The following ACSM2A variants were observed in gnomAD, a reference collection of about 807,000 sequenced individuals.
ACSM2A encodes acyl-coenzyme A synthetase ACSM2A, mitochondrial.
Under a neutral mutation model 76.6 loss-of-function variants are expected in ACSM2A, and 72 were observed. The ratio of observed to expected loss-of-function variants is 0.94; its 90% CI spans 0.78 to 1.14. The LOEUF (loss-of-function observed/expected upper bound fraction) is 1.14, where lower values mean the gene tolerates loss of function less well. Ranked by LOEUF, ACSM2A falls within the 50% of genes most tolerant of loss-of-function variation. ACSM2A has a pLI of 0.00. For missense variants in ACSM2A, 684 were observed against 708.5 expected, an observed-to-expected ratio of 0.97 and a Z score of 0.39; for synonymous variants, 249 against 255.9, an observed-to-expected ratio of 0.97 and a Z score of 0.26.
rs1253159877 is a variant in ACSM2A, at chr16:20,482,745, G to A, written c.1510-313G>A. On this transcript the variant is annotated intron_variant, in intron 12 of 13. Transcript: ENST00000573854. ...TGGAGAAGTTAACACATTGTTTAGG[G>A]TTATGGTTTTCAGTCTATTTTTCTC... is the stretch of plus-strand genomic sequence containing the variant. The A allele has an allele frequency of 2.3e-5, 5 of 216,314 alleles. No individual in the cohort carries two copies. In the South Asian group the frequency reaches 3.1e-4, roughly 13 times the overall value. 13.4% of individuals were successfully genotyped at this position (216,314 alleles called of 1,614,324 possible).
rs989295119 is a variant in ACSM2A, at chr16:20,487,348, T to C, written c.*670T>C. On this transcript the variant is annotated 3_prime_UTR_variant, in exon 14 of 14. Transcript: ENST00000573854. ...GAAATGAAAGGCCGTGGCACCTTCT[T>C]ATACCCTAGAAGAAGACCTCCATAC... 1 of 152,314 alleles carries C rather than the reference T, an allele frequency of 6.6e-6. No homozygotes were observed. The highest frequency in any genetic ancestry group is 1.5e-5 in the Non-Finnish European group (1 of 68,154). The allele number at this position is 152,314 out of a possible 1,614,324, so 9.4% of individuals were successfully genotyped here.
chr16:20,475,521 T>C (rs2013682541), intron 7 of ACSM2A, 80 bp downstream of exon 7: 1 of 1,604,930 alleles, frequency 6.2e-7, no homozygotes, highest in Non-Finnish European at 8.5e-7. Context: ...CCTATCTATC[T>C]GAATCTCTCG....
At chr16:20,454,387 T>A (rs1280054348) in intron 1 of ACSM2A, among the ~76,000 whole-genome samples, 2 of 151,966 alleles carry the variant, frequency 1.3e-5, no homozygotes, top group Non-Finnish European at 2.9e-5. Flanking sequence ...TCCAATGAAC[T>A]TTTTTTGCCA....
chr16:20,479,842 T>C (rs900619355), intron 10 of ACSM2A, among the ~76,000 whole-genome samples: 9 of 152,226 alleles, frequency 5.9e-5, no homozygotes, highest in Admixed American at 4.6e-4. Flanking sequence ...AAACCTGGCT[T>C]CTGGTCTCAG....
chr16:20,465,049 A>G (rs1226899564), intron 2 of ACSM2A, among the ~76,000 whole-genome samples: 1 of 152,234 alleles, frequency 6.6e-6, no homozygotes, highest in Non-Finnish European at 1.5e-5. Flanking sequence ...CGAGTATACA[A>G]TAGCATTTTC....
At chr16:20,463,264 A>C (rs116589332) in intron 2 of ACSM2A, among the ~76,000 whole-genome samples, 3,835 of 147,224 alleles carry the variant, frequency 0.026, 153 homozygotes, top group African/African-American at 0.089. Flanking sequence ...AAATCCAACC[A>C]AAAAAAAAAG....
chr16:20,485,995 A>G (rs1463318803), intron 13 of ACSM2A, among the ~76,000 whole-genome samples: 13 of 152,214 alleles, frequency 8.5e-5, no homozygotes, highest in East Asian at 1.9e-4. Flanking sequence ...GAGAGATTTT[A>G]TAGTTTTGCT....
At chr16:20,455,714 G>A (rs550427770) in intron 1 of ACSM2A, among the ~76,000 whole-genome samples, 5 of 144,810 alleles carry the variant, frequency 3.5e-5, no homozygotes, top group Admixed American at 6.7e-5. Flanking sequence ...AACCTCACAT[G>A]ACCTATAAAA....
chr16:20,475,182 G>C (rs546126250), intron 6 of ACSM2A, among the ~76,000 whole-genome samples, 180 bp from the exon 7 acceptor site: 1 of 152,200 alleles, frequency 6.6e-6, no homozygotes, highest in Non-Finnish European at 1.5e-5. Flanking sequence ...CCTGTTATTT[G>C]TGTCTTCAGG....
chr16:20,474,656 G>C (rs943368060), intron 6 of ACSM2A, among the ~76,000 whole-genome samples: 1 of 152,196 alleles, frequency 6.6e-6, no homozygotes, highest in Non-Finnish European at 1.5e-5. Context: ...GGTGTTATAC[G>C]ACAGGAATAC....
chr16:20,459,738 G>T (rs796231927), intron 1 of ACSM2A, among the ~76,000 whole-genome samples: 1 of 152,144 alleles, frequency 6.6e-6, no homozygotes, highest in African/African-American at 2.4e-5. Context: ...GAAGTCACTT[G>T]AAAATGAATG....
At chr16:20,454,754 T>C (rs577334101) in intron 1 of ACSM2A, among the ~76,000 whole-genome samples, 1 of 151,858 alleles carries the variant, frequency 6.6e-6, no homozygotes, top group African/African-American at 2.4e-5. Context: ...ACAAGGCTGT[T>C]TAACACCTCC....
At chr16:20,460,992 G>A (rs1187521731) in intron 2 of ACSM2A, among the ~76,000 whole-genome samples, 1 of 128,010 alleles carries the variant, frequency 7.8e-6, no homozygotes, top group African/African-American at 3.2e-5. Context: ...GAAAGAAAAA[G>A]ATGAAGAAAT....
At chr16:20,477,568 A>T in intron 9 of ACSM2A, 119 bp downstream of exon 9, 1 of 1,452,382 alleles carries the variant, frequency 6.9e-7, no homozygotes, top group South Asian at 1.7e-5. Context: ...AAGATAACAT[A>T]AGAAAAAAAG....
chr16:20,461,979 A>T (rs1439302757), intron 2 of ACSM2A, among the ~76,000 whole-genome samples: 1 of 152,148 alleles, frequency 6.6e-6, no homozygotes, highest in Non-Finnish European at 1.5e-5. Flanking sequence ...GAGATGTGAG[A>T]AATGTCTTCA....
chr16:20,486,110 A>C (rs1290003878), intron 13 of ACSM2A, among the ~76,000 whole-genome samples: 2 of 152,240 alleles, frequency 1.3e-5, no homozygotes, highest in African/African-American at 4.8e-5. Context: ...AACCACAGCT[A>C]ATATTTTTCA....
In ACSM2A at chr16:20,486,891, G is replaced by A. The variant is rs2014410021; in HGVS notation, c.*213G>A. 8 of 475,264 alleles carry A rather than the reference G, an allele frequency of 1.7e-5. No individual in the cohort carries two copies. Among genetic ancestry groups the A allele is most frequent in the South Asian group, 5.0e-5 (1 of 20,176 alleles). 29.4% of individuals were successfully genotyped at this position (475,264 alleles called of 1,614,324 possible). A position where few individuals can be genotyped will look rare whatever the true frequency, so the allele number is the denominator to read the frequency against. ...AGAGAGTGAAAAGGAGAGGGTAACA[G>A]AAAAAAAGGAAAGAAAAGTAAGTCA... is the stretch of plus-strand genomic sequence containing the variant. On this transcript the variant is annotated 3_prime_UTR_variant, in exon 14 of 14. Transcript: ENST00000573854.
intron 5 of ACSM2A, 104 bp downstream of exon 5, chr16:20,471,320 T>G: frequency 6.6e-7 from 1 of 1,524,682 alleles, no homozygotes; most frequent in Non-Finnish European, 8.8e-7. Context: ...GGGTCCCACC[T>G]TCTGAACATT....
At chr16:20,485,923 A>G (rs1223818328) in intron 13 of ACSM2A, among the ~76,000 whole-genome samples, 2 of 152,240 alleles carry the variant, frequency 1.3e-5, no homozygotes, top group Non-Finnish European at 2.9e-5. Context: ...ATTTGGGAAT[A>G]TAAGAGATAG....
Sources: allele counts gnomAD v4.1 joint callset (sites outside exome capture counted in the v4.1 genomes callset), GRCh38; gene constraint gnomAD v4.1.1; transcripts MANE v1.5; gene names NCBI Gene and HGNC (gene_info 2026-07-23, HGNC 2026-07-21).